The following USH2A variants were observed in gnomAD, a reference collection of about 807,000 sequenced individuals.
USH2A encodes Usher syndrome 2A (autosomal recessive, mild).
USH2A carries 443 observed loss-of-function variants against 538.9 expected under a neutral mutation model. That is an observed-to-expected ratio of 0.82 (90% CI 0.76 to 0.89). The LOEUF (loss-of-function observed/expected upper bound fraction) is 0.89, where lower values mean the gene tolerates loss of function less well. Ranked by LOEUF, USH2A falls within the 40% of genes least tolerant of loss-of-function variation. The pLI is 0.00. For missense variants in USH2A, 6,633 were observed against 6,324.8 expected (o/e 1.05, Z -1.65); for synonymous variants, 2,413 against 2,273.5 (o/e 1.06, Z -1.75).
chr1:215,753,545 G>A (rs941222279), intron 58 of USH2A, among the ~76,000 whole-genome samples: 6 of 152,090 alleles, frequency 3.9e-5, no homozygotes, highest in African/African-American at 1.4e-4. Context: ...ATCATTCTCG[G>A]CAAACTATCA....
intron 32 of USH2A, among the ~76,000 whole-genome samples, chr1:216,023,932 T>G (rs1324371186): frequency 6.6e-6 from 1 of 152,054 alleles, no homozygotes; most frequent in Non-Finnish European, 1.5e-5. Context: ...CTCCTCACAT[T>G]CCCAGCTCAG....
At chr1:216,028,197 G>C (rs1004256420) in intron 32 of USH2A, among the ~76,000 whole-genome samples, 1 of 152,016 alleles carries the variant, frequency 6.6e-6, no homozygotes, top group African/African-American at 2.4e-5. Flanking sequence ...AGACCAGCCG[G>C]GCTAACACGG....
chr1:216,278,726 A>G (rs1348699899), intron 11 of USH2A, among the ~76,000 whole-genome samples: 1 of 152,166 alleles, frequency 6.6e-6, no homozygotes, highest in African/African-American at 2.4e-5. Flanking sequence ...TTCTATTTGT[A>G]CACTTTAATA....
chr1:215,818,928 ACCT>A (rs1287301272), intron 47 of USH2A, among the ~76,000 whole-genome samples: 2 of 151,740 alleles, frequency 1.3e-5, no homozygotes, highest in African/African-American at 4.8e-5. Flanking sequence ...AGCAAAGAAA[ACCT>A]CCTTTTTGTG....
intron 21 of USH2A, among the ~76,000 whole-genome samples, chr1:216,140,160 CAT>C (rs781381563): frequency 3.9e-5 from 6 of 151,986 alleles, no homozygotes; most frequent in Admixed American, 6.6e-5. Flanking sequence ...TTTTTAGAAA[CAT>C]AGAATTTTCA....
At chr1:216,131,358 G>C (rs2033371926) in intron 21 of USH2A, among the ~76,000 whole-genome samples, 1 of 151,880 alleles carries the variant, frequency 6.6e-6, no homozygotes, top group African/African-American at 2.4e-5. Context: ...ATTTGCTTCT[G>C]AGCTCTTGGT....
At chr1:216,398,765 C>A (rs1040670577) in intron 3 of USH2A, among the ~76,000 whole-genome samples, 1 of 152,184 alleles carries the variant, frequency 6.6e-6, no homozygotes, top group Non-Finnish European at 1.5e-5. Context: ...TTCCAATTCC[C>A]CTTGCCTGGT....
chr1:216,273,604 G>A (rs2036615199), intron 11 of USH2A, among the ~76,000 whole-genome samples: 1 of 152,106 alleles, frequency 6.6e-6, no homozygotes, highest in Non-Finnish European at 1.5e-5. Context: ...ACCTTGATAT[G>A]CACAGTGCCT....
At chr1:216,047,304 T>C (rs2030564091) in intron 31 of USH2A, among the ~76,000 whole-genome samples, 1 of 152,176 alleles carries the variant, frequency 6.6e-6, no homozygotes, top group Admixed American at 6.5e-5. Context: ...AGGTAAACCC[T>C]GGACAAAGGA....
At chr1:215,994,739 A>C (rs928764206) in intron 34 of USH2A, among the ~76,000 whole-genome samples, 2 of 152,138 alleles carry the variant, frequency 1.3e-5, no homozygotes, top group African/African-American at 4.8e-5. Flanking sequence ...AATGTGGCCA[A>C]ACTCTGACTC....
intron 40 of USH2A, among the ~76,000 whole-genome samples, chr1:215,899,330 T>C (rs1419245843): frequency 2.0e-5 from 3 of 152,166 alleles, no homozygotes; most frequent in Non-Finnish European, 4.4e-5. Flanking sequence ...TCAAAAAACC[T>C]AACTGTTCAA....
chr1:216,086,812 C>T lies in USH2A; in HGVS notation c.4894G>A (p.Ala1632Thr). 1 of 1,612,286 alleles carries T rather than the reference C, an allele frequency of 6.2e-7. No individual in the cohort carries two copies. Among genetic ancestry groups the T allele is most frequent in the Middle Eastern group, 1.7e-4 (1 of 6,044 alleles). The change falls in exon 24 of 72, where the codon GCC (alanine) becomes ACC (threonine). Residue 1632 changes from alanine to threonine, a missense_variant. Ala to Thr is a moderately conservative substitution (Grantham distance 58). Coordinates refer to ENST00000307340, the MANE Select transcript of USH2A (RefSeq NM_206933.4). ...TLDGIYTGSS[A>T]ILNGSTVIGD... ...ATAACAGTACTACCATTCAGGATGGCAGAGGAACCTAGAGAAGAGGAGATG... is the reference window on the plus strand; with the variant it reads ...ATAACAGTACTACCATTCAGGATGGTAGAGGAACCTAGAGAAGAGGAGATG...
intron 32 of USH2A, among the ~76,000 whole-genome samples, chr1:216,027,046 G>A (rs1668983877): frequency 6.6e-6 from 1 of 152,104 alleles, no homozygotes; most frequent in South Asian, 2.1e-4. Flanking sequence ...GAGTAATAGT[G>A]CATAATCATT....
chr1:216,050,558 CTT>C (rs112540733), intron 30 of USH2A, among the ~76,000 whole-genome samples: 4 of 51,206 alleles, frequency 7.8e-5, no homozygotes, highest in African/African-American at 2.7e-4. Context: ...CAATTTGTAT[CTT>C]TTTCTTTCTT....
chr1:216,073,999 C>G (rs999229880), intron 27 of USH2A, among the ~76,000 whole-genome samples: 44 of 152,204 alleles, frequency 2.9e-4, no homozygotes, highest in Non-Finnish European at 3.2e-4. Flanking sequence ...CAGGGGCCAG[C>G]CTTCACTGTT....
intron 11 of USH2A, among the ~76,000 whole-genome samples, chr1:216,280,844 C>G (rs147157795): frequency 5.8e-4 from 88 of 152,302 alleles, no homozygotes; most frequent in Middle Eastern, 3.4e-3. Context: ...CCATTTGGGG[C>G]TGGCTTCATT....
intron 63 of USH2A, among the ~76,000 whole-genome samples, chr1:215,672,395 G>A (rs1266298602): frequency 6.6e-6 from 1 of 150,748 alleles, no homozygotes; most frequent in Non-Finnish European, 1.5e-5. Flanking sequence ...TTTTCCCTTT[G>A]TGACTTATTT....
At chr1:216,125,679 A>G (rs989687064) in intron 21 of USH2A, among the ~76,000 whole-genome samples, 1 of 152,142 alleles carries the variant, frequency 6.6e-6, no homozygotes, top group Non-Finnish European at 1.5e-5. Context: ...CATCTCTTCA[A>G]TGCTGCAGCA....
At position 215,728,304 on chromosome 1, in the gene USH2A, G is replaced by A. The variant is rs757800030; in HGVS notation, c.11792C>T (p.Thr3931Ile). 1 of 1,614,162 alleles carries A rather than the reference G, an allele frequency of 6.2e-7. No individual in the cohort carries two copies. Among genetic ancestry groups the A allele is most frequent in the South Asian group, 1.1e-5 (1 of 91,080 alleles). The change falls in exon 61 of 72, where the codon ACC (threonine) becomes ATC (isoleucine). Residue 3931 changes from threonine to isoleucine, a missense_variant. Coordinates refer to ENST00000307340, the MANE Select transcript of USH2A (RefSeq NM_206933.4). ...TTCGTAGAGTGTGAAAGGCCTCAGG[G>A]TGTCTCCTTCATCCATAAATTCAAG... is the stretch of plus-strand genomic sequence containing the variant. ...GALEFMDEGD[T>I]LRPFTLYEYR...
Sources: allele counts gnomAD v4.1 joint callset (sites outside exome capture counted in the v4.1 genomes callset), GRCh38; gene constraint gnomAD v4.1.1; transcripts MANE v1.5; gene names NCBI Gene and HGNC (gene_info 2026-07-23, HGNC 2026-07-21).